The following SHOC1 variants were observed in gnomAD, a reference collection of about 807,000 sequenced individuals.
SHOC1 encodes the protein protein shortage in chiasmata 1 ortholog.
Under a neutral mutation model 179.2 loss-of-function variants are expected in SHOC1, and 136 were observed. That is an observed-to-expected ratio of 0.76 (90% CI 0.66 to 0.87). SHOC1 has a LOEUF of 0.87. SHOC1 is among the 40% of genes least tolerant of loss of function. SHOC1 has a pLI of 0.00. For missense variants in SHOC1, 1,538 were observed against 1,700.8 expected (o/e 0.90, Z 1.68); for synonymous variants, 489 against 586.6 (o/e 0.83, Z 2.41).
chr9:111,764,798 G>A (rs1400431773), intron 5 of SHOC1, among the ~76,000 whole-genome samples: 1 of 152,072 alleles, frequency 6.6e-6, no homozygotes, highest in East Asian at 1.9e-4. Flanking sequence ...TGCCTCTAGA[G>A]AGTGAAAAAA....
At chr9:111,750,326 G>A (rs10981048) in intron 8 of SHOC1, among the ~76,000 whole-genome samples, 2,010 of 151,788 alleles carry the variant, frequency 0.013, 53 homozygotes, top group African/African-American at 0.046. Flanking sequence ...CTGCATGTAC[G>A]TCTTCTTCTT....
intron 24 of SHOC1, among the ~76,000 whole-genome samples, chr9:111,695,898 T>C (rs1831666027): frequency 6.6e-6 from 1 of 152,084 alleles, no homozygotes; most frequent in Non-Finnish European, 1.5e-5. Context: ...GCAAAAACAA[T>C]AATAAAAACG....
At chr9:111,756,574 A>G (rs1188781676) in intron 7 of SHOC1, 96 bp from the exon 8 acceptor site, 2 of 1,025,464 alleles carry the variant, frequency 2.0e-6, no homozygotes, top group East Asian at 2.5e-5. Context: ...ATGATGTGCC[A>G]AATTTTAAAC....
At chr9:111,702,836 AC>A (rs1187944004) in intron 22 of SHOC1, among the ~76,000 whole-genome samples, 1 of 152,224 alleles carries the variant, frequency 6.6e-6, no homozygotes, top group Non-Finnish European at 1.5e-5. Flanking sequence ...CCAGCCAGGC[AC>A]AGTAGCTCAT....
At chr9:111,699,084 G>C (rs902503987) in intron 24 of SHOC1, among the ~76,000 whole-genome samples, 1 of 152,158 alleles carries the variant, frequency 6.6e-6, no homozygotes, top group African/African-American at 2.4e-5. Flanking sequence ...TTTCGGAAAT[G>C]TAATTGGTGT....
intron 22 of SHOC1, 130 bp from the exon 23 acceptor site, chr9:111,702,356 T>C: frequency 1.6e-6 from 1 of 608,898 alleles, no homozygotes; most frequent in Non-Finnish European, 2.7e-6. Flanking sequence ...AGCCCCCATT[T>C]CATGGAAAAA....
intron 26 of SHOC1, 78 bp from the exon 27 acceptor site, chr9:111,692,589 C>CA: frequency 9.4e-7 from 1 of 1,058,576 alleles, no homozygotes; most frequent in South Asian, 1.8e-5. Context: ...GGAAAGAAGG[C>CA]AAAATATAAA....
intron 10 of SHOC1, among the ~76,000 whole-genome samples, chr9:111,743,963 T>C (rs1248001221): frequency 6.6e-6 from 1 of 152,214 alleles, no homozygotes; most frequent in Admixed American, 6.5e-5. Context: ...TCTAAAACCA[T>C]TAGCTAATTT....
chr9:111,689,188 C>T (rs1831312131), intron 27 of SHOC1, among the ~76,000 whole-genome samples: 1 of 151,686 alleles, frequency 6.6e-6, no homozygotes, highest in Non-Finnish European at 1.5e-5. Context: ...GAGTTTGAGA[C>T]CAGACTGGGC....
At chr9:111,780,603 A>C (rs1836001261) in intron 4 of SHOC1, among the ~76,000 whole-genome samples, 1 of 151,834 alleles carries the variant, frequency 6.6e-6, no homozygotes, top group Non-Finnish European at 1.5e-5. Context: ...TGTTTTGACC[A>C]AATATATTAC....
intron 15 of SHOC1, among the ~76,000 whole-genome samples, chr9:111,722,131 CA>C (rs1833082446): frequency 6.6e-6 from 1 of 152,088 alleles, no homozygotes; most frequent in African/African-American, 2.4e-5. Flanking sequence ...CATATGCTGA[CA>C]ATAATAAAGT....
intron 20 of SHOC1, among the ~76,000 whole-genome samples, chr9:111,705,728 AG>A (rs1238813517): frequency 6.6e-6 from 1 of 152,120 alleles, no homozygotes; most frequent in African/African-American, 2.4e-5. Flanking sequence ...TATTCACTTA[AG>A]TATATATTGG....
Position 111,723,841 on chromosome 9 carries a change from T to G in SHOC1, c.1905A>C (p.Glu635Asp). 1 of 1,609,470 alleles carries G rather than the reference T, an allele frequency of 6.2e-7. No individual in the cohort carries two copies. Among genetic ancestry groups the G allele is most frequent in the South Asian group, 1.1e-5 (1 of 90,882 alleles). ...PIVHINKTLEEINQERGTDSV... is the reference protein window; with the variant it reads ...PIVHINKTLEDINQERGTDSV... ...TATCTGTTCCCCTTTCCTGATTTATTTCCTCCAGGGTTTTATTAATATGAA... is the reference window on the plus strand; with the variant it reads ...TATCTGTTCCCCTTTCCTGATTTATGTCCTCCAGGGTTTTATTAATATGAA... The change falls in exon 14 of 28, where the codon GAA becomes GAC. Residue 635 changes from glutamate to aspartate, a missense_variant. Transcript: ENST00000682961.
At position 111,727,860 on chromosome 9, in the gene SHOC1, G is replaced by A. The variant is rs757566666; in HGVS notation, c.1607C>T (p.Pro536Leu). Residue 536 changes from proline to leucine, a missense_variant, in exon 13 of 28, where the codon CCA (proline) becomes CTA (leucine). Physicochemically the swap from Pro to Leu is moderately conservative, Grantham distance 98 (BLOSUM62 -3). Coordinates refer to ENST00000682961, the MANE Select transcript of SHOC1 (RefSeq NM_001378211.1). ...TTTCTTTTGGATTATTCTGTTTACT[G>A]GTTCTTGGTCATTCTTTGGTTTTTC... is the stretch of plus-strand genomic sequence containing the variant. Reference protein sequence around the residue: ...KEEKPKNDQEPVNRIIQKKEN... With the variant: ...KEEKPKNDQELVNRIIQKKEN... 18 of 1,612,564 alleles carry A rather than the reference G, an allele frequency of 1.1e-5. No individual in the cohort carries two copies. Among genetic ancestry groups the A allele is most frequent in the Non-Finnish European group, 3.4e-6 (4 of 1,179,486 alleles).
Position 111,707,865 on chromosome 9 carries a change from C to T in SHOC1, c.2548G>A (p.Val850Ile). 1.3e-6 allele frequency: 2 copies of T among 1,584,490 alleles called. No homozygotes were observed. The highest frequency in any genetic ancestry group is 1.7e-6 in the Non-Finnish European group (2 of 1,165,382). ...ERKDFLESEG[V>I]LRGTSSCVVV... ...GGAATGAATTTTTACCCCCTTAAAA[C>T]ACCTTCAGATTCCAGAAAATCTTTT... Residue 850 changes from valine (V) to isoleucine (I), a missense_variant, in exon 19 of 28, where the codon GTT (valine) becomes ATT (isoleucine). Physicochemically the swap from Val to Ile is conservative, Grantham distance 29. Transcript: ENST00000682961.
At chr9:111,769,975 G>GTTTTTTTTTTTTTTTT in intron 5 of SHOC1, among the ~76,000 whole-genome samples, 9 of 87,806 alleles carry the variant, frequency 1.0e-4, no homozygotes, top group Admixed American at 2.2e-4. Context: ...TTTATCTTCT[G>GTTTTTTTTTTTTTTTT]TTTTTTTTTT....
Position 111,699,423 on chromosome 9 carries a change from A to C in SHOC1, c.3183+531T>G, listed in dbSNP as rs112681622. The stretch of plus-strand genomic sequence containing the variant: ...CTTAAGAAATGTCAGGAAAAATTTA[A>C]GAATTATACTCAGAAATGAAAGCAA... On this transcript the variant is annotated intron_variant, in intron 24 of 27. Transcript: ENST00000682961. Among the ~76,000 whole-genome samples, 1,370 of 152,336 alleles carry C rather than the reference A, an allele frequency of 9.0e-3. 5 individuals are homozygous for C. Among genetic ancestry groups the C allele is most frequent in the Non-Finnish European group, 0.014 (932 of 68,036 alleles).
chr9:111,704,581 G>T (rs920621200), intron 21 of SHOC1, among the ~76,000 whole-genome samples: 4 of 152,068 alleles, frequency 2.6e-5, no homozygotes, highest in Non-Finnish European at 5.9e-5. Context: ...TCCTATGAAT[G>T]CTCCACAGCC....
At chr9:111,722,371 A>T in intron 15 of SHOC1, 38 bp downstream of exon 15, 1 of 1,534,982 alleles carries the variant, frequency 6.5e-7, no homozygotes, top group Non-Finnish European at 8.8e-7. Context: ...ATTTCTAAGC[A>T]TATCTTTTTA....
Sources: gnomAD v4.1 joint callset for allele counts (sites outside exome capture counted in the v4.1 genomes callset) on GRCh38, gnomAD v4.1.1 for gene constraint, MANE v1.5 for transcripts, NCBI Gene and HGNC (gene_info 2026-07-23, HGNC 2026-07-21) for gene names.